Variants in SOX5 observed in about 807,000 individuals in gnomAD.
The protein encoded by SOX5 is transcription factor SOX-5.
SOX5 carries 9 observed loss-of-function variants against 92.0 expected under a neutral mutation model. The ratio of observed to expected loss-of-function variants is 0.10; its 90% confidence interval spans 0.06 to 0.17. The LOEUF (loss-of-function observed/expected upper bound fraction) is 0.17, where lower values mean the gene tolerates loss of function less well. Among genes scored for constraint, SOX5 ranks in the 10% least tolerant of loss-of-function variants. The pLI, the probability that SOX5 is intolerant of heterozygous loss-of-function variation, is 1.00. For missense variants in SOX5, 642 were observed against 944.5 expected (o/e 0.68, Z 4.20); for synonymous variants, 344 against 336.3 (o/e 1.02, Z -0.25).
At chr12:24,539,542 CCCTATTGTAA>C (rs1951932397) in intron 1 of SOX5, among the ~76,000 whole-genome samples, 1 of 152,032 alleles carries the variant, frequency 6.6e-6, no homozygotes. Flanking sequence ...GACATTTGAT[CCCTATTGTAA>C]TGCACTAAAG....
At chr12:23,824,778 G>A (rs1327901430) in intron 3 of SOX5, among the ~76,000 whole-genome samples, 2 of 152,196 alleles carry the variant, frequency 1.3e-5, no homozygotes, top group South Asian at 2.1e-4. Flanking sequence ...TTTCAGAGAC[G>A]CCCTGCTCAG....
intron 4 of SOX5, among the ~76,000 whole-genome samples, chr12:23,993,912 T>TATGCATGCATGC (rs1209945179): frequency 6.7e-6 from 1 of 148,452 alleles, no homozygotes. Flanking sequence ...TGTATGTATG[T>TATGCATGCATGC]ATGCATGTAT....
intron 2 of SOX5, among the ~76,000 whole-genome samples, chr12:23,879,004 T>TTTA (rs2096958772): frequency 6.6e-6 from 1 of 152,172 alleles, no homozygotes; most frequent in South Asian, 2.1e-4. Flanking sequence ...TTTTGACATG[T>TTTA]TGCTGCTTCA....
chr12:23,675,461 CT>C (rs1253271866), intron 6 of SOX5, among the ~76,000 whole-genome samples: 3 of 152,232 alleles, frequency 2.0e-5, no homozygotes, highest in Admixed American at 1.3e-4. Flanking sequence ...AGGATAGTCT[CT>C]TCAATAAATG....
chr12:23,920,716 G>A (rs1205384184), intron 1 of SOX5: 1 of 152,128 alleles, frequency 6.6e-6, no homozygotes, highest in Non-Finnish European at 1.5e-5. Flanking sequence ...AAGTATGTTA[G>A]TGGAGAAAAT....
chr12:23,778,270 A>C (rs2095169955), intron 3 of SOX5, among the ~76,000 whole-genome samples: 1 of 152,248 alleles, frequency 6.6e-6, no homozygotes, highest in Non-Finnish European at 1.5e-5. Context: ...TATTCAACTA[A>C]AAGAATAGTT....
Position 23,843,197 on chromosome 12 carries a change from C to G in SOX5, c.481+2786G>C, listed in dbSNP as rs551640057. ...TGAAAAACAAGGACATTCTGAGAAG[C>G]TGTCACAGCCAAAAAAAGCCTAAGA... On this transcript the variant is annotated intron_variant, in intron 3 of 14. Transcript: ENST00000451604. 1.1e-3 allele frequency among the ~76,000 whole-genome samples: 156 copies of G among 138,064 alleles called. No individual in the cohort carries two copies. The Middle Eastern group carries it at 0.016, about 14-fold the overall frequency. 90.6% of individuals were successfully genotyped at this position (138,064 alleles called of 152,430 possible). A position where few individuals can be genotyped will look rare whatever the true frequency, so the allele number is the denominator to read the frequency against.
At chr12:24,117,131 C>G (rs1000881806) in intron 4 of SOX5, among the ~76,000 whole-genome samples, 1 of 151,884 alleles carries the variant, frequency 6.6e-6, no homozygotes, top group Non-Finnish European at 1.5e-5. Context: ...AACAAATACC[C>G]CAATTAAAAA....
chr12:24,237,541 A>G (rs1477519207), intron 3 of SOX5, among the ~76,000 whole-genome samples: 4 of 152,228 alleles, frequency 2.6e-5, no homozygotes, highest in South Asian at 4.1e-4. Context: ...ATTTCCTTCA[A>G]TCTAACCTAA....
intron 1 of SOX5, among the ~76,000 whole-genome samples, chr12:23,923,146 C>T (rs1278549106): frequency 6.6e-6 from 1 of 151,992 alleles, no homozygotes; most frequent in Non-Finnish European, 1.5e-5. Flanking sequence ...GAGGTTTCAC[C>T]GTGTTAGCCA....
intron 3 of SOX5, chr12:24,227,486 T>G (rs1169993594): frequency 6.6e-6 from 1 of 152,216 alleles, no homozygotes; most frequent in Admixed American, 6.5e-5. Flanking sequence ...AGAGGTTCTA[T>G]TAAAGAATGT....
intron 1 of SOX5, among the ~76,000 whole-genome samples, chr12:23,907,943 A>G (rs2138258004): frequency 6.6e-6 from 1 of 152,258 alleles, no homozygotes; most frequent in South Asian, 2.1e-4. Flanking sequence ...TTAGGTACAT[A>G]TTTTGAGCAT....
At position 24,334,931 on chromosome 12, in the gene SOX5, A is replaced by G. The variant is rs79090263; in HGVS notation, c.-174+33632T>C. On this transcript the variant is annotated intron_variant, in intron 2 of 4. Transcript: ENST00000446891. ...AATTATGTAAAAAAAAAAAATAGAG[A>G]TCTGGATGAAAATGTATAAAATAAT... 3.8e-3 allele frequency among the ~76,000 whole-genome samples: 581 copies of G among 151,736 alleles called. 16 individuals are homozygous for G. In the East Asian group the frequency reaches 0.065, roughly 17 times the overall value.
chr12:24,537,975 C>T (rs1419890056), intron 1 of SOX5, among the ~76,000 whole-genome samples: 6 of 152,162 alleles, frequency 3.9e-5, no homozygotes, highest in Admixed American at 1.3e-4. Context: ...TTTATTTATT[C>T]TGAAGTTTTC....
intron 4 of SOX5, among the ~76,000 whole-genome samples, chr12:24,064,871 G>A (rs967690061): frequency 3.3e-5 from 5 of 152,160 alleles, no homozygotes; most frequent in African/African-American, 7.2e-5. Context: ...GTTATAGTTC[G>A]GATTATCTTT....
chr12:23,818,988 A>C (rs1324757063), intron 3 of SOX5, among the ~76,000 whole-genome samples: 1 of 152,168 alleles, frequency 6.6e-6, no homozygotes, highest in Non-Finnish European at 1.5e-5. Context: ...CTTCTGAAAA[A>C]TATGCCTGAG....
At chr12:23,895,505 A>G (rs575095487) in intron 2 of SOX5, among the ~76,000 whole-genome samples, 3 of 152,328 alleles carry the variant, frequency 2.0e-5, no homozygotes, top group Admixed American at 6.5e-5. Flanking sequence ...ATAATTTTAA[A>G]TATCTTACTT....
chr12:23,809,465 A>C (rs1172587174), intron 3 of SOX5, among the ~76,000 whole-genome samples: 1 of 152,026 alleles, frequency 6.6e-6, no homozygotes, highest in African/African-American at 2.4e-5. Context: ...AGTATTACAT[A>C]AATTTTAAAA....
chr12:23,794,276 C>G (rs560077593), intron 3 of SOX5, among the ~76,000 whole-genome samples: 1 of 151,856 alleles, frequency 6.6e-6, no homozygotes, highest in East Asian at 1.9e-4. Flanking sequence ...CTTAAATAAA[C>G]GTTTATATAG....
Sources: gnomAD v4.1 joint callset for allele counts (sites outside exome capture counted in the v4.1 genomes callset) on GRCh38, gnomAD v4.1.1 for gene constraint, MANE v1.5 for transcripts, NCBI Gene and HGNC (gene_info 2026-07-23, HGNC 2026-07-21) for gene names.